Variants in GPA33 observed in about 807,000 individuals in gnomAD.
The protein encoded by GPA33 is glycoprotein A33, also known as cell surface A33 antigen.
A neutral mutation model predicts 35.6 loss-of-function variants in GPA33; 27 were observed. That is an observed-to-expected ratio of 0.76 (90% CI 0.56 to 1.04). The LOEUF is 1.04. Ranked by LOEUF, GPA33 falls within the 50% of genes least tolerant of loss-of-function variation. The probability of loss-of-function intolerance (pLI) is 0.00; values close to 1 mark genes in which losing one functional copy is unlikely to be tolerated. For synonymous variants in GPA33, 176 were observed against 164.0 expected (o/e 1.07, Z -0.56); for missense variants, 428 against 411.9 (o/e 1.04, Z -0.34).
At chr1:167,054,758 G>A (rs188063662) in intron 6 of GPA33, among the ~76,000 whole-genome samples, 10 of 152,290 alleles carry the variant, frequency 6.6e-5, no homozygotes, top group South Asian at 2.1e-4. Context: ...CAGGAAGCCC[G>A]GCCCTGAGCT....
intron 1 of GPA33, among the ~76,000 whole-genome samples, chr1:167,089,366 G>A (rs982639051): frequency 7.9e-5 from 12 of 152,058 alleles, no homozygotes; most frequent in South Asian, 4.2e-4. Flanking sequence ...TCTCCTCCCC[G>A]TTGCAGCTGG....
At position 167,068,933 on chromosome 1, in the gene GPA33, A is replaced by G. The variant is rs763895434; in HGVS notation, c.404T>C (p.Leu135Pro). The G allele has an allele frequency of 1.2e-5, 19 of 1,612,138 alleles. No individual in the cohort carries two copies. Among genetic ancestry groups the G allele is most frequent in the Admixed American group, 1.7e-5 (1 of 60,000 alleles). The stretch of plus-strand genomic sequence containing the variant: ...ATGAAGACACTCACCGAGGACCAAC[A>G]GGCGGACACGTGACTTGGTGTTGCC... ...LEGNTKSRVR[L>P]LVLVPPSKPE... Residue 135 changes from leucine (L) to proline (P), a missense_variant, in exon 3 of 7, where the codon CTG becomes CCG. Leu to Pro is a moderately conservative substitution (Grantham distance 98, BLOSUM62 -3). Coordinates refer to ENST00000367868, the MANE Select transcript of GPA33 (RefSeq NM_005814.3).
At chr1:167,088,750 C>T (rs1667102872) in intron 1 of GPA33, among the ~76,000 whole-genome samples, 1 of 152,086 alleles carries the variant, frequency 6.6e-6, no homozygotes. Context: ...ATGCATGGGT[C>T]GCAGCCAGTC....
chr1:167,063,437 TGGGGATAG>T (rs1558005120), intron 4 of GPA33, 137 bp downstream of exon 4: 10 of 634,138 alleles, frequency 1.6e-5, no homozygotes, highest in African/African-American at 3.7e-5. Context: ...CTTAGAGAGG[TGGGGATAG>T]GGGGATAGGG....
At chr1:167,062,233 T>G (rs1326478965) in intron 4 of GPA33, among the ~76,000 whole-genome samples, 3 of 152,066 alleles carry the variant, frequency 2.0e-5, no homozygotes, top group Non-Finnish European at 4.4e-5. Context: ...TTATTTTATT[T>G]GAGGCAGGGT....
intron 1 of GPA33, among the ~76,000 whole-genome samples, chr1:167,074,570 A>C (rs1666783316): frequency 6.6e-6 from 1 of 152,184 alleles, no homozygotes; most frequent in South Asian, 2.1e-4. Context: ...TTATTATTTT[A>C]AGTACTGAGT....
intron 1 of GPA33, among the ~76,000 whole-genome samples, chr1:167,075,598 C>T (rs561240362): frequency 6.3e-4 from 96 of 152,296 alleles, no homozygotes; most frequent in African/African-American, 2.3e-3. Context: ...GCTCCTTAGA[C>T]ACCCTGGTGG....
At chr1:167,071,840 A>T (rs188377794) in intron 2 of GPA33, among the ~76,000 whole-genome samples, 1 of 152,208 alleles carries the variant, frequency 6.6e-6, no homozygotes, top group East Asian at 1.9e-4. Flanking sequence ...CCCTTTCTCT[A>T]TACTCTTGCA....
intron 1 of GPA33, among the ~76,000 whole-genome samples, chr1:167,080,141 G>T (rs1666897496): frequency 6.6e-6 from 1 of 152,090 alleles, no homozygotes; most frequent in Non-Finnish European, 1.5e-5. Flanking sequence ...CACTCCCTTT[G>T]CCCTGTGCCC....
At chr1:167,054,646 G>A (rs921768829) in intron 6 of GPA33, among the ~76,000 whole-genome samples, 180 bp from the exon 7 acceptor site, 1 of 152,096 alleles carries the variant, frequency 6.6e-6, no homozygotes, top group Admixed American at 6.5e-5. Context: ...CTTGTTCCAC[G>A]CATGAGCTGA....
intron 1 of GPA33, among the ~76,000 whole-genome samples, chr1:167,086,906 T>TGA (rs1667058094): frequency 7.2e-6 from 1 of 138,778 alleles, no homozygotes; most frequent in African/African-American, 2.8e-5. Flanking sequence ...TGTGTGTGTG[T>TGA]GAGAGATTGG....
chr1:167,082,506 G>A (rs1043638232), intron 1 of GPA33, among the ~76,000 whole-genome samples: 7 of 152,154 alleles, frequency 4.6e-5, no homozygotes, highest in African/African-American at 1.2e-4. Flanking sequence ...AAATGGAGGT[G>A]GGTTTGTAGG....
chr1:167,061,047 A>G (rs1666428264), intron 4 of GPA33, among the ~76,000 whole-genome samples: 2 of 152,112 alleles, frequency 1.3e-5, no homozygotes, highest in South Asian at 4.2e-4. Flanking sequence ...AATCTTCACA[A>G]CCCTATGAAG....
chr1:167,080,862 A>G (rs1373838884), intron 1 of GPA33, among the ~76,000 whole-genome samples: 2 of 152,268 alleles, frequency 1.3e-5, no homozygotes, highest in African/African-American at 2.4e-5. Flanking sequence ...TTTGACAGCA[A>G]ATGAATGAAT....
chr1:167,079,713 C>T (rs1198882995), intron 1 of GPA33, among the ~76,000 whole-genome samples: 2 of 152,184 alleles, frequency 1.3e-5, no homozygotes, highest in Non-Finnish European at 2.9e-5. Flanking sequence ...ATCCTTTCCA[C>T]CCATTCAGTC....
At chr1:167,082,355 G>T in intron 1 of GPA33, 1 of 453,530 alleles carries the variant, frequency 2.2e-6, no homozygotes, top group Non-Finnish European at 4.4e-6. Flanking sequence ...AAGCCAACTA[G>T]GAGGTGAAAA....
At chr1:167,085,638 C>T (rs1000431425) in intron 1 of GPA33, among the ~76,000 whole-genome samples, 3 of 152,128 alleles carry the variant, frequency 2.0e-5, no homozygotes, top group Admixed American at 1.3e-4. Context: ...CTGGACATAC[C>T]GAATCATCTG....
intron 4 of GPA33, among the ~76,000 whole-genome samples, chr1:167,059,116 G>A (rs948610205): frequency 1.3e-4 from 20 of 152,094 alleles, no homozygotes; most frequent in African/African-American, 3.9e-4. Flanking sequence ...TGGGGAACAT[G>A]GGGTTTCCTA....
At chr1:167,065,144 G>C (rs1331640928) in intron 3 of GPA33, among the ~76,000 whole-genome samples, 2 of 152,196 alleles carry the variant, frequency 1.3e-5, no homozygotes, top group Non-Finnish European at 2.9e-5. Context: ...AGGACACAGT[G>C]GGTGGGTCAA....
Sources: gnomAD v4.1 joint callset for allele counts (sites outside exome capture counted in the v4.1 genomes callset) on GRCh38, gnomAD v4.1.1 for gene constraint, MANE v1.5 for transcripts, NCBI Gene and HGNC (gene_info 2026-07-23, HGNC 2026-07-21) for gene names.